Variants in SLX4IP observed in about 807,000 individuals in gnomAD.
SLX4IP encodes SLX4 interacting protein, also known as protein SLX4IP.
Under a neutral mutation model 32.9 loss-of-function variants are expected in SLX4IP, and 34 were observed. The ratio of observed to expected loss-of-function variants is 1.03; its 90% CI spans 0.79 to 1.38. The LOEUF (loss-of-function observed/expected upper bound fraction) is 1.38, where lower values mean the gene tolerates loss of function less well. Ranked by LOEUF, SLX4IP falls within the 40% of genes most tolerant of loss-of-function variation. The pLI, the probability that SLX4IP is intolerant of heterozygous loss-of-function variation, is 0.00. For synonymous variants in SLX4IP, 172 were observed against 171.7 expected, an observed-to-expected ratio of 1.00 and a Z score of -0.01; for missense variants, 444 against 479.0, an observed-to-expected ratio of 0.93 and a Z score of 0.68.
chr20:10,486,358 C>T (rs756448043), intron 2 of SLX4IP, among the ~76,000 whole-genome samples: 10 of 151,824 alleles, frequency 6.6e-5, no homozygotes, highest in Non-Finnish European at 1.0e-4. Flanking sequence ...AGTGGTTAGA[C>T]TATTAGAACG....
At chr20:10,544,999 C>T (rs755899335) in intron 2 of SLX4IP, among the ~76,000 whole-genome samples, 1 of 152,082 alleles carries the variant, frequency 6.6e-6, no homozygotes, top group Non-Finnish European at 1.5e-5. Flanking sequence ...GTTAAAACAC[C>T]GGATCCTGGG....
At chr20:10,611,272 G>T (rs1242333332) in intron 6 of SLX4IP, among the ~76,000 whole-genome samples, 5 of 152,200 alleles carry the variant, frequency 3.3e-5, no homozygotes, top group Non-Finnish European at 7.3e-5. Context: ...ACAAACCTGA[G>T]AAGAGATTGT....
chr20:10,510,036 G>T (rs1056079076), intron 2 of SLX4IP, among the ~76,000 whole-genome samples: 2 of 152,074 alleles, frequency 1.3e-5, no homozygotes, highest in Non-Finnish European at 2.9e-5. Context: ...AACATTCTGT[G>T]TACAGAATTT....
chr20:10,491,084 A>G (rs1386102217), intron 2 of SLX4IP, among the ~76,000 whole-genome samples: 1 of 152,100 alleles, frequency 6.6e-6, no homozygotes, highest in African/African-American at 2.4e-5. Flanking sequence ...AAAAAAACAC[A>G]GGTTGTTACA....
chr20:10,516,023 A>G (rs1376524463), intron 2 of SLX4IP, among the ~76,000 whole-genome samples: 1 of 152,066 alleles, frequency 6.6e-6, no homozygotes, highest in Non-Finnish European at 1.5e-5. Context: ...CGAGAAGCTG[A>G]GAATACAGGC....
At chr20:10,548,022 T>C (rs896992523) in intron 2 of SLX4IP, among the ~76,000 whole-genome samples, 2 of 152,188 alleles carry the variant, frequency 1.3e-5, no homozygotes, top group East Asian at 1.9e-4. Context: ...AAGTAAATGG[T>C]TGCAAACCAA....
intron 2 of SLX4IP, among the ~76,000 whole-genome samples, chr20:10,464,082 A>C (rs1349675240): frequency 6.6e-6 from 1 of 152,188 alleles, no homozygotes; most frequent in Non-Finnish European, 1.5e-5. Context: ...TATGTTGGCA[A>C]ATTACCAGAT....
chr20:10,467,360 T>A (rs1319480680), intron 2 of SLX4IP, among the ~76,000 whole-genome samples: 3 of 152,236 alleles, frequency 2.0e-5, no homozygotes, highest in African/African-American at 7.2e-5. Context: ...ACATTTTAAA[T>A]GGTTATATTC....
intron 4 of SLX4IP, among the ~76,000 whole-genome samples, chr20:10,573,883 A>G (rs1601019923): frequency 6.6e-6 from 1 of 152,356 alleles, no homozygotes; most frequent in African/African-American, 2.4e-5. Flanking sequence ...CCACACATGT[A>G]AAGCTTGAAA....
intron 6 of SLX4IP, among the ~76,000 whole-genome samples, chr20:10,612,504 T>C (rs1232221881): frequency 6.6e-6 from 1 of 152,200 alleles, no homozygotes; most frequent in East Asian, 1.9e-4. Context: ...TTTTGTAATA[T>C]TCTACTGTGA....
intron 1 of SLX4IP, among the ~76,000 whole-genome samples, chr20:10,453,442 A>T (rs1412179345): frequency 6.6e-6 from 1 of 151,852 alleles, no homozygotes; most frequent in East Asian, 1.9e-4. Flanking sequence ...CCAGATCCTC[A>T]GCTTTGCTCT....
rs2067155479 is a variant in SLX4IP, at chr20:10,624,899, G to C, written c.*1520G>C. The stretch of plus-strand genomic sequence containing the variant: ...AAGCCTGACTGTGGTGGTAGATACT[G>C]TTACTTTAATGTTCCAAACCCTGCC... On this transcript the variant is annotated 3_prime_UTR_variant, in exon 8 of 8. Transcript: ENST00000334534. 1 of 152,212 alleles carries C rather than the reference G, an allele frequency of 6.6e-6. No homozygotes were observed. The highest frequency in any genetic ancestry group is 1.5e-5 in the Non-Finnish European group (1 of 68,054). The allele number at this position is 152,212 out of a possible 1,614,324, so 9.4% of individuals were successfully genotyped here.
At position 10,513,507 on chromosome 20, in the gene SLX4IP, C is replaced by T. The variant is rs1374466436; in HGVS notation, c.28-42724C>T. ...TCTTAGGTACAAACATCATGGAAGTCGGGGGTATTAGCTGCACCTTTTCAT... is the reference window on the plus strand; with the variant it reads ...TCTTAGGTACAAACATCATGGAAGTTGGGGGTATTAGCTGCACCTTTTCAT... On this transcript the variant is annotated intron_variant, in intron 2 of 7. Transcript: ENST00000334534. Among the ~76,000 whole-genome samples the T allele has an allele frequency of 2.0e-5, 3 of 152,274 alleles. No homozygotes were observed. In the East Asian group the frequency reaches 5.8e-4, roughly 29 times the overall value.
At chr20:10,482,345 C>T (rs764152793) in intron 2 of SLX4IP, among the ~76,000 whole-genome samples, 5 of 152,112 alleles carry the variant, frequency 3.3e-5, no homozygotes, top group South Asian at 4.1e-4. Flanking sequence ...TTAATTTAAT[C>T]GTGGTCTTAT....
At chr20:10,577,412 A>G (rs2066534901) in intron 4 of SLX4IP, among the ~76,000 whole-genome samples, 1 of 152,188 alleles carries the variant, frequency 6.6e-6, no homozygotes, top group Admixed American at 6.5e-5. Context: ...ATAGTATTCT[A>G]ATGAACTGAA....
intron 1 of SLX4IP, among the ~76,000 whole-genome samples, chr20:10,438,472 GTTT>G (rs35297842): frequency 2.0e-5 from 2 of 98,854 alleles, no homozygotes; most frequent in Non-Finnish European, 3.9e-5. Context: ...AGGTGTGTGT[GTTT>G]TTTTTTTTTT....
chr20:10,609,983 C>T (rs2066947988), intron 6 of SLX4IP, among the ~76,000 whole-genome samples: 1 of 151,976 alleles, frequency 6.6e-6, no homozygotes, highest in Non-Finnish European at 1.5e-5. Context: ...AGTTAAATAG[C>T]TTCTATCCAA....
intron 4 of SLX4IP, among the ~76,000 whole-genome samples, chr20:10,585,611 C>T (rs981772592): frequency 3.4e-4 from 52 of 150,780 alleles, no homozygotes; most frequent in African/African-American, 1.2e-3. Context: ...GAGACGGAGT[C>T]TCACTCTGTC....
intron 2 of SLX4IP, among the ~76,000 whole-genome samples, chr20:10,523,664 A>G (rs593592): frequency 0.6 from 90,760 of 152,216 alleles, 27,419 homozygotes; most frequent in South Asian, 0.74. Context: ...CCGGCACCAA[A>G]CACCCAGTGC....
Sources: allele counts gnomAD v4.1 joint callset (sites outside exome capture counted in the v4.1 genomes callset), GRCh38; gene constraint gnomAD v4.1.1; transcripts MANE v1.5; gene names NCBI Gene and HGNC (gene_info 2026-07-23, HGNC 2026-07-21).